The following GALNT13 variants were observed in gnomAD, a reference collection of about 807,000 sequenced individuals.
The protein encoded by GALNT13 is UDP-GalNAc:polypeptide N-acetylgalactosaminyltransferase 13.
GALNT13 carries 28 observed loss-of-function variants against 64.2 expected under a neutral mutation model. That is an observed-to-expected ratio of 0.44 (90% CI 0.32 to 0.60). The LOEUF (loss-of-function observed/expected upper bound fraction) is 0.60. Among genes scored for constraint, GALNT13 ranks in the 20% least tolerant of loss-of-function variants. The pLI is 0.05. For synonymous variants in GALNT13, 214 were observed against 224.6 expected, an observed-to-expected ratio of 0.95 and a Z score of 0.42; for missense variants, 577 against 669.8, an observed-to-expected ratio of 0.86 and a Z score of 1.53.
At chr2:153,752,581 C>A in the GALNT13 span, among the ~76,000 whole-genome samples, 2 of 152,070 alleles carry the variant, frequency 1.3e-5, no homozygotes, top group East Asian at 1.9e-4. Context: ...CTCTTCTGGC[C>A]TGTAAGGTTT....
chr2:154,051,925 G>A (rs534089112), intron 3 of GALNT13, among the ~76,000 whole-genome samples: 2 of 152,276 alleles, frequency 1.3e-5, no homozygotes, highest in East Asian at 3.9e-4. Context: ...CTTTGTGAAA[G>A]ACTGTATTTC....
the GALNT13 span, among the ~76,000 whole-genome samples, chr2:153,164,225 C>G: frequency 0.11 from 16,354 of 152,106 alleles, 1,021 homozygotes; most frequent in Non-Finnish European, 0.15. Flanking sequence ...CATTTCTACT[C>G]CATAGTCCAT....
chr2:153,741,080 T>C, the GALNT13 span, among the ~76,000 whole-genome samples: 1 of 152,180 alleles, frequency 6.6e-6, no homozygotes, highest in African/African-American at 2.4e-5. Flanking sequence ...AATGCAAGTA[T>C]CCTTCTTATT....
the GALNT13 span, among the ~76,000 whole-genome samples, chr2:153,368,638 G>A: frequency 3.3e-5 from 5 of 152,134 alleles, no homozygotes; most frequent in African/African-American, 1.2e-4. Context: ...GTTTTAATGT[G>A]TATATTCCTA....
At chr2:154,296,401 T>C (rs1283209292) in intron 8 of GALNT13, among the ~76,000 whole-genome samples, 2 of 152,184 alleles carry the variant, frequency 1.3e-5, no homozygotes, top group Admixed American at 1.3e-4. Flanking sequence ...GGGAGAGAAA[T>C]ACCAGTCTCT....
intron 3 of GALNT13, among the ~76,000 whole-genome samples, chr2:154,021,931 A>C (rs896724348): frequency 6.6e-6 from 1 of 152,116 alleles, no homozygotes; most frequent in African/African-American, 2.4e-5. Context: ...AATTTTGTCA[A>C]AGGCCTTTTC....
At chr2:153,997,232 T>A (rs1412865991) in intron 3 of GALNT13, among the ~76,000 whole-genome samples, 1 of 152,176 alleles carries the variant, frequency 6.6e-6, no homozygotes, top group Non-Finnish European at 1.5e-5. Context: ...TTGATAAAGA[T>A]TGCATTGAAA....
chr2:153,797,608 C>T, the GALNT13 span, among the ~76,000 whole-genome samples: 3 of 152,092 alleles, frequency 2.0e-5, no homozygotes, highest in Admixed American at 6.6e-5. Context: ...CCTGAAGAAC[C>T]CATCAATTAC....
At chr2:153,963,399 T>C (rs1221406831) in intron 3 of GALNT13, among the ~76,000 whole-genome samples, 1 of 152,212 alleles carries the variant, frequency 6.6e-6, no homozygotes, top group African/African-American at 2.4e-5. Flanking sequence ...CACAAGTCTT[T>C]GTGTGGACAT....
At chr2:153,250,556 A>T in the GALNT13 span, among the ~76,000 whole-genome samples, 1 of 152,250 alleles carries the variant, frequency 6.6e-6, no homozygotes, top group Non-Finnish European at 1.5e-5. Context: ...ATTATAAATC[A>T]TTCTACTATA....
chr2:154,354,650 T>C (rs868436914), intron 9 of GALNT13, among the ~76,000 whole-genome samples: 1 of 151,938 alleles, frequency 6.6e-6, no homozygotes, highest in African/African-American at 2.4e-5. Flanking sequence ...AACTCACTTC[T>C]GCAAGCACCG....
chr2:153,535,399 GATATC>G, the GALNT13 span, among the ~76,000 whole-genome samples: 1 of 152,128 alleles, frequency 6.6e-6, no homozygotes, highest in South Asian at 2.1e-4. Flanking sequence ...AGCACCAGGA[GATATC>G]AGCTGTGATG....
rs186566281 is a variant in GALNT13 at position 154,270,451 on chromosome 2, G to A, written c.975+11313G>A. Among the ~76,000 whole-genome samples the A allele has an allele frequency of 2.8e-4, 43 of 151,776 alleles. No homozygotes were observed. The East Asian group carries it at 5.2e-3, about 18-fold the overall frequency. Reference sequence around the variant, plus strand: ...AGGTGGTCGGTACCACCCATAATTCGTTTTTAAAGCATAACCACTTATTTA... The same window carrying A: ...AGGTGGTCGGTACCACCCATAATTCATTTTTAAAGCATAACCACTTATTTA... On this transcript the variant is annotated intron_variant, in intron 8 of 12. Coordinates refer to ENST00000392825, the MANE Select transcript of GALNT13 (RefSeq NM_052917.4).
intron 3 of GALNT13, among the ~76,000 whole-genome samples, chr2:154,043,455 T>TATATATATATATATACACAC (rs1341373277): frequency 5.7e-5 from 6 of 105,006 alleles, no homozygotes; most frequent in Admixed American, 9.9e-5. Flanking sequence ...TATATATATA[T>TATATATATATATATACACAC]ACACACATGT....
rs867681099 is a variant in GALNT13 at position 154,148,150 on chromosome 2, C to T, written c.311+7645C>T. On this transcript the variant is annotated intron_variant, in intron 4 of 12. Transcript: ENST00000392825. ...TCCATGTGTTCTCATTGTTCAGTTCCCACCTATGAGTGAGAATATGCAGTG... is the reference window on the plus strand; with the variant it reads ...TCCATGTGTTCTCATTGTTCAGTTCTCACCTATGAGTGAGAATATGCAGTG... Among the ~76,000 whole-genome samples the T allele has an allele frequency of 5.9e-5, 9 of 152,122 alleles. 1 individual carries two copies. Among genetic ancestry groups the T allele is most frequent in the African/African-American group, 2.2e-4 (9 of 41,500 alleles).
At chr2:153,874,091 C>T (rs1686186492) in intron 1 of GALNT13, among the ~76,000 whole-genome samples, 1 of 142,888 alleles carries the variant, frequency 7.0e-6, no homozygotes, top group South Asian at 2.2e-4. Flanking sequence ...GCACCCCCCT[C>T]CCGCAATCTC....
the GALNT13 span, among the ~76,000 whole-genome samples, chr2:153,227,339 A>G: frequency 1.7e-3 from 261 of 152,308 alleles, 1 homozygote; most frequent in African/African-American, 6.1e-3. Flanking sequence ...TGTAGGGCCA[A>G]TGTAGCAGAA....
At chr2:153,688,027 A>G in the GALNT13 span, among the ~76,000 whole-genome samples, 1 of 152,014 alleles carries the variant, frequency 6.6e-6, no homozygotes, top group Non-Finnish European at 1.5e-5. Context: ...GTAACTACAC[A>G]GTTATTGTTG....
At chr2:153,682,524 A>G in the GALNT13 span, among the ~76,000 whole-genome samples, 2 of 151,722 alleles carry the variant, frequency 1.3e-5, no homozygotes, top group Admixed American at 6.6e-5. Flanking sequence ...TCCTCACAAG[A>G]CAGTCATAAC....
Sources: gnomAD v4.1 joint callset for allele counts (sites outside exome capture counted in the v4.1 genomes callset) on GRCh38, gnomAD v4.1.1 for gene constraint, MANE v1.5 for transcripts, NCBI Gene and HGNC (gene_info 2026-07-23, HGNC 2026-07-21) for gene names.